The following PDE4D variants were observed in gnomAD, a reference collection of about 807,000 sequenced individuals.
PDE4D encodes 3',5'-cyclic-AMP phosphodiesterase 4D.
In PDE4D, 24 loss-of-function variants were observed where a neutral mutation model predicts 87.4. The observed-to-expected ratio is 0.27, with a 90% CI of 0.20 to 0.39. The LOEUF (loss-of-function observed/expected upper bound fraction) is 0.39, where lower values mean the gene tolerates loss of function less well. Among genes scored for constraint, PDE4D ranks in the 10% least tolerant of loss-of-function variants. The pLI, the probability that PDE4D is intolerant of heterozygous loss-of-function variation, is 1.00. For synonymous variants in PDE4D, 384 were observed against 383.2 expected (o/e 1.00, Z -0.02); for missense variants, 714 against 1,041.0 (o/e 0.69, Z 4.32).
At chr5:59,801,178 A>G (rs1767086572) in intron 1 of PDE4D, among the ~76,000 whole-genome samples, 1 of 152,196 alleles carries the variant, frequency 6.6e-6, no homozygotes, top group Admixed American at 6.5e-5. Flanking sequence ...TCATAGCTTG[A>G]GTGTTGAAGT....
chr5:59,023,045 G>A (rs1279341843), intron 6 of PDE4D, among the ~76,000 whole-genome samples: 1 of 151,766 alleles, frequency 6.6e-6, no homozygotes, highest in Non-Finnish European at 1.5e-5. Context: ...CGTGGTGGCA[G>A]GCGCCTGTAA....
intron 1 of PDE4D, among the ~76,000 whole-genome samples, chr5:60,382,118 G>A (rs944336818): frequency 6.6e-6 from 1 of 151,940 alleles, no homozygotes; most frequent in East Asian, 1.9e-4. Flanking sequence ...TCATTTTAAG[G>A]GCATTTAGAA....
rs1056736674 is a variant in PDE4D at position 59,587,055 on chromosome 5, C to A, written c.455+306113G>T. 5.4e-6 allele frequency: 5 copies of A among 930,074 alleles called. No homozygotes were observed. In the African/African-American group the frequency reaches 8.9e-5, roughly 17 times the overall value. 57.6% of individuals were successfully genotyped at this position (930,074 alleles called of 1,614,324 possible). A position where few individuals can be genotyped will look rare whatever the true frequency, so the allele number is the denominator to read the frequency against. On this transcript the variant is annotated intron_variant, in intron 1 of 14. Transcript: ENST00000340635. ...AAAGTAGGAAGGCAATGAGTAATTT[C>A]TGCTCTGCAGGACAAGATTACCATT...
chr5:59,276,221 A>G, intron 1 of PDE4D: 1 of 789,168 alleles, frequency 1.3e-6, no homozygotes, highest in Non-Finnish European at 1.5e-6. Context: ...TCCAGAGACC[A>G]GCACTGTAAA....
At position 59,317,252 on chromosome 5, in the gene PDE4D, G is replaced by T. The variant is rs576506082; in HGVS notation, c.456-101284C>A. On this transcript the variant is annotated intron_variant, in intron 1 of 14. Transcript: ENST00000340635. The stretch of plus-strand genomic sequence containing the variant: ...CCCAGCCAAGGAAAGTTTTAAGAAG[G>T]CCACGTGCTGGCCCTTCAGAAGCAG... 2.6e-5 allele frequency among the ~76,000 whole-genome samples: 4 copies of T among 152,254 alleles called. No homozygotes were observed. The South Asian group carries it at 8.3e-4, about 32-fold the overall frequency.
chr5:59,753,040 T>C (rs1422104100), intron 1 of PDE4D, among the ~76,000 whole-genome samples: 1 of 152,154 alleles, frequency 6.6e-6, no homozygotes, highest in East Asian at 1.9e-4. Context: ...ACTACCGTGG[T>C]AGGGTTGAAT....
chr5:59,590,450 CAGG>C (rs1825762870), intron 1 of PDE4D, among the ~76,000 whole-genome samples: 1 of 152,116 alleles, frequency 6.6e-6, no homozygotes, highest in African/African-American at 2.4e-5. Context: ...AAGGCTGATG[CAGG>C]AGGATAACTT....
intron 1 of PDE4D, among the ~76,000 whole-genome samples, chr5:60,353,835 C>CA (rs1210598075): frequency 6.6e-6 from 1 of 152,148 alleles, no homozygotes; most frequent in East Asian, 1.9e-4. Context: ...CGGCCAATAA[C>CA]ATTTGCTGAG....
intron 1 of PDE4D, among the ~76,000 whole-genome samples, chr5:59,628,665 A>G (rs905898422): frequency 6.6e-6 from 1 of 152,148 alleles, no homozygotes; most frequent in Admixed American, 6.5e-5. Flanking sequence ...CCCTGGCACC[A>G]TGGACTTCAG....
intron 1 of PDE4D, among the ~76,000 whole-genome samples, chr5:59,607,399 A>G (rs1408009751): frequency 6.6e-6 from 1 of 152,130 alleles, no homozygotes; most frequent in African/African-American, 2.4e-5. Flanking sequence ...GATCATTTAG[A>G]TCATTAAAAA....
intron 1 of PDE4D, among the ~76,000 whole-genome samples, chr5:59,679,357 T>A (rs1748639064): frequency 6.6e-6 from 1 of 152,156 alleles, no homozygotes; most frequent in Non-Finnish European, 1.5e-5. Context: ...CTAAATTTAT[T>A]TTATTTTATT....
At chr5:59,911,758 G>A (rs1017572297) in intron 3 of PDE4D, among the ~76,000 whole-genome samples, 2 of 152,028 alleles carry the variant, frequency 1.3e-5, no homozygotes, top group Admixed American at 6.6e-5. Context: ...AGAACACTTT[G>A]GACAATAACT....
chr5:59,254,653 A>G (rs996326388), intron 1 of PDE4D, among the ~76,000 whole-genome samples: 3 of 152,030 alleles, frequency 2.0e-5, no homozygotes, highest in Non-Finnish European at 4.4e-5. Flanking sequence ...TCTTCTTTAC[A>G]TTAATGAATC....
intron 5 of PDE4D, among the ~76,000 whole-genome samples, chr5:59,152,872 C>T (rs926123656): frequency 1.3e-5 from 2 of 151,882 alleles, no homozygotes; most frequent in African/African-American, 2.4e-5. Flanking sequence ...CAGTTCAAGA[C>T]CATAAAACAA....
chr5:60,252,050 C>T (rs2149684962), intron 1 of PDE4D, among the ~76,000 whole-genome samples: 1 of 152,044 alleles, frequency 6.6e-6, no homozygotes, highest in South Asian at 2.1e-4. Flanking sequence ...CAGTAGCAAG[C>T]TGTACAGGTT....
At chr5:59,693,860 C>A (rs1751349709) in intron 1 of PDE4D, among the ~76,000 whole-genome samples, 1 of 152,090 alleles carries the variant, frequency 6.6e-6, no homozygotes, top group African/African-American at 2.4e-5. Flanking sequence ...TCGGAGTAGT[C>A]TATGGATTAG....
At chr5:59,296,832 G>T (rs1036146348) in intron 1 of PDE4D, among the ~76,000 whole-genome samples, 1 of 151,892 alleles carries the variant, frequency 6.6e-6, no homozygotes, top group African/African-American at 2.4e-5. Context: ...GGTTAAACTC[G>T]CAAGGTTAGG....
rs149517812 is a variant in PDE4D, at chr5:60,006,856, A to G, written c.43-18139T>C. Among the ~76,000 whole-genome samples, 262 of 152,080 alleles carry G rather than the reference A, an allele frequency of 1.7e-3. 6 individuals are homozygous for G. In the East Asian group the frequency reaches 0.042, roughly 25 times the overall value. On this transcript the variant is annotated intron_variant, in intron 2 of 16. Transcript: ENST00000502484. ...TAACATTTAACAAAAATCTATTACC[A>G]TATCCAATTTCAAATAAACAGCAAG... is the stretch of plus-strand genomic sequence containing the variant.
chr5:60,359,693 A>G (rs1759895511), intron 1 of PDE4D, among the ~76,000 whole-genome samples: 1 of 152,122 alleles, frequency 6.6e-6, no homozygotes, highest in Admixed American at 6.5e-5. Flanking sequence ...ATCTTATAAA[A>G]TGTCTTCTGA....
Sources: allele counts gnomAD v4.1 joint callset (sites outside exome capture counted in the v4.1 genomes callset), GRCh38; gene constraint gnomAD v4.1.1; transcripts MANE v1.5; gene names NCBI Gene and HGNC (gene_info 2026-07-23, HGNC 2026-07-21).